TRAPPC13: variants seen among roughly 807,000 people sequenced by gnomAD.
TRAPPC13 encodes trafficking protein particle complex subunit 13.
Under a neutral mutation model 54.0 loss-of-function variants are expected in TRAPPC13, and 39 were observed. The observed-to-expected ratio is 0.72, with a 90% CI of 0.56 to 0.94. The LOEUF (loss-of-function observed/expected upper bound fraction) is 0.94. Ranked by LOEUF, TRAPPC13 falls within the 40% of genes least tolerant of loss-of-function variation. TRAPPC13 has a pLI of 0.00. For missense variants in TRAPPC13, 386 were observed against 488.1 expected (o/e 0.79, Z 1.97); for synonymous variants, 148 against 167.7 (o/e 0.88, Z 0.91).
In TRAPPC13 at chr5:65,658,644, A is replaced by G; in HGVS notation, c.698+143A>G. 4 of 535,652 alleles carry G rather than the reference A, an allele frequency of 7.5e-6. No individual in the cohort carries two copies. In the South Asian group the frequency reaches 2.2e-4, roughly 29 times the overall value. The allele number at this position is 535,652 out of a possible 1,614,324, so 33.2% of individuals were successfully genotyped here. A position where few individuals can be genotyped will look rare whatever the true frequency, so the allele number is the denominator to read the frequency against. ...CATAGAAAAATTCATCAGAAAGTAG[A>G]GTTTCCACATACCCTCTTCCACTCC... On this transcript the variant is annotated intron_variant, in intron 9 of 12. Coordinates refer to ENST00000399438, the MANE Select transcript of TRAPPC13 (RefSeq NM_024941.4).
chr5:65,626,558 A>C (rs1483992167), intron 1 of TRAPPC13, among the ~76,000 whole-genome samples: 1 of 152,176 alleles, frequency 6.6e-6, no homozygotes, highest in Non-Finnish European at 1.5e-5. Flanking sequence ...TAACATAGTG[A>C]AACCCCGTCT....
chr5:65,657,977 CTT>C (rs1756712735), intron 8 of TRAPPC13: 1 of 159,986 alleles, frequency 6.3e-6, no homozygotes, highest in Non-Finnish European at 1.4e-5. Flanking sequence ...ATAATGAAGA[CTT>C]AATTATCTTA....
intron 2 of TRAPPC13, 126 bp from the exon 3 acceptor site, chr5:65,635,818 G>T: frequency 1.7e-6 from 1 of 572,900 alleles, no homozygotes. Context: ...CTAGAAGTTA[G>T]ACTTTTTAAA....
chr5:65,652,369 C>A, intron 6 of TRAPPC13, 132 bp from the exon 7 acceptor site: 4 of 304,784 alleles, frequency 1.3e-5, no homozygotes, highest in East Asian at 5.6e-5. Flanking sequence ...AAGAATATTG[C>A]ATACCTATTA....
At chr5:65,651,648 G>GGGT (rs1289505241) in intron 6 of TRAPPC13, among the ~76,000 whole-genome samples, 1 of 150,354 alleles carries the variant, frequency 6.7e-6, no homozygotes, top group Non-Finnish European at 1.5e-5. Flanking sequence ...CATTTATGTG[G>GGGT]GGGGGGTGGT....
Position 65,631,114 on chromosome 5 carries a change from GCTAGGAT to G in TRAPPC13, c.47-4186_47-4180del, listed in dbSNP as rs1380283908. Among the ~76,000 whole-genome samples, 5 of 152,184 alleles carry G rather than the reference GCTAGGAT, an allele frequency of 3.3e-5. No homozygotes were observed. In the East Asian group the frequency reaches 9.6e-4, roughly 29 times the overall value. ...TTTAAATGCCTACTTTGCACTAGGTGCTAGGATATACTAGGGAAGGAGACAGACATGG... is the reference window on the plus strand; with the variant it reads ...TTTAAATGCCTACTTTGCACTAGGTGATACTAGGGAAGGAGACAGACATGG... On this transcript the variant is annotated intron_variant, in intron 1 of 12. Coordinates refer to ENST00000399438, the MANE Select transcript of TRAPPC13 (RefSeq NM_024941.4).
At chr5:65,658,856 A>C (rs62367739) in intron 9 of TRAPPC13, among the ~76,000 whole-genome samples, 11,241 of 151,982 alleles carry the variant, frequency 0.074, 423 homozygotes, top group East Asian at 0.099. Flanking sequence ...AGCTGCTGGG[A>C]TTACAGGTGC....
At chr5:65,650,738 A>C (rs1052246001) in intron 5 of TRAPPC13, 72 bp from the exon 6 acceptor site, 7 of 1,231,692 alleles carry the variant, frequency 5.7e-6, no homozygotes, top group African/African-American at 3.0e-5. Flanking sequence ...TTCTTAGTAG[A>C]ATTGAGGTGT....
At chr5:65,629,910 T>G in intron 1 of TRAPPC13, 1 of 1,536,038 alleles carries the variant, frequency 6.5e-7, no homozygotes, top group Non-Finnish European at 8.7e-7. Flanking sequence ...TCACACACAC[T>G]GAAGGAACAG....
chr5:65,641,309 T>G (rs1460148420), intron 4 of TRAPPC13, among the ~76,000 whole-genome samples: 3 of 152,110 alleles, frequency 2.0e-5, no homozygotes, highest in African/African-American at 7.2e-5. Context: ...TGACCTGTAT[T>G]TGTGTGAGTG....
intron 1 of TRAPPC13, among the ~76,000 whole-genome samples, chr5:65,626,565 G>A (rs958278919): frequency 6.6e-6 from 1 of 152,012 alleles, no homozygotes; most frequent in Non-Finnish European, 1.5e-5. Flanking sequence ...GTGAAACCCC[G>A]TCTCTATAAA....
At chr5:65,660,606 T>A in intron 9 of TRAPPC13, 93 bp from the exon 10 acceptor site, 1 of 997,252 alleles carries the variant, frequency 1.0e-6, no homozygotes, top group Non-Finnish European at 1.4e-6. Flanking sequence ...GGGTACATCA[T>A]CCAGTTCCTA....
At chr5:65,625,216 C>T (rs1056980418) in intron 1 of TRAPPC13, 110 bp downstream of exon 1, 22 of 918,188 alleles carry the variant, frequency 2.4e-5, no homozygotes, top group Non-Finnish European at 3.5e-5. Flanking sequence ...TGCTCGCCCT[C>T]CTGCTCTGTC....
intron 4 of TRAPPC13, 64 bp from the exon 5 acceptor site, chr5:65,646,991 A>G (rs1416878228): frequency 4.0e-5 from 58 of 1,436,422 alleles, no homozygotes; most frequent in Non-Finnish European, 5.0e-5. Flanking sequence ...ACTCATAGCC[A>G]TGCACACCCT....
rs1755803812 is a variant in TRAPPC13 at position 65,637,693 on chromosome 5, C to T, written c.216-3C>T. Reference sequence around the variant, plus strand: ...CTGCCTAAATACTTATTTTATTTTACAGGAATATATTTTTGGGAGAGACCT... The same window carrying T: ...CTGCCTAAATACTTATTTTATTTTATAGGAATATATTTTTGGGAGAGACCT... On this transcript the variant is annotated splice_polypyrimidine_tract_variant and splice_region_variant and intron_variant, in intron 3 of 12. Coordinates refer to ENST00000399438, the MANE Select transcript of TRAPPC13 (RefSeq NM_024941.4). 2.0e-6 allele frequency: 3 copies of T among 1,472,250 alleles called. No individual in the cohort carries two copies. The highest frequency in any genetic ancestry group is 1.4e-5 in the African/African-American group (1 of 69,058). 91.2% of individuals were successfully genotyped at this position (1,472,250 alleles called of 1,614,324 possible).
At chr5:65,660,588 T>G (rs1756813652) in intron 9 of TRAPPC13, 111 bp from the exon 10 acceptor site, 1 of 687,622 alleles carries the variant, frequency 1.5e-6, no homozygotes, top group African/African-American at 1.9e-5. Context: ...CTGTTGTTGA[T>G]CTTTGGAGGG....
rs1172387040 is a variant in TRAPPC13 at position 65,630,342 on chromosome 5, G to A, written c.47-4959G>A. The A allele has an allele frequency of 4.0e-6, 6 of 1,485,734 alleles. No homozygotes were observed. In the African/African-American group the frequency reaches 7.0e-5, roughly 17 times the overall value. The allele number at this position is 1,485,734 out of a possible 1,614,324, so 92.0% of individuals were successfully genotyped here. ...TATGGTGTTATTTTTAGTATGTAAT[G>A]AATTCCACTGATTGTCAAAAAGAAT... On this transcript the variant is annotated intron_variant, in intron 1 of 12. Transcript: ENST00000399438.
intron 3 of TRAPPC13, 62 bp downstream of exon 3, chr5:65,636,105 C>A: frequency 1.6e-5 from 17 of 1,044,070 alleles, no homozygotes; most frequent in Non-Finnish European, 2.1e-5. Flanking sequence ...GTTTTCAAAA[C>A]AGAACCATGG....
Position 65,645,198 on chromosome 5 carries a change from C to CA in TRAPPC13, c.301-1841dup, listed in dbSNP as rs71610504. On this transcript the variant is annotated intron_variant, in intron 4 of 12. Transcript: ENST00000399438. ...GGGCAACAAGAGTGAAACTCTGTCT[C>CA]AAAAAAAAAAAAAAAAGAATTTTGA... 1.1e-3 allele frequency among the ~76,000 whole-genome samples: 125 copies of CA among 108,782 alleles called. 1 individual carries two copies. Among genetic ancestry groups the CA allele is most frequent in the Middle Eastern group, 4.8e-3 (1 of 210 alleles). 71.4% of individuals were successfully genotyped at this position (108,782 alleles called of 152,430 possible).
Sources: gnomAD v4.1 joint callset for allele counts (sites outside exome capture counted in the v4.1 genomes callset) on GRCh38, gnomAD v4.1.1 for gene constraint, MANE v1.5 for transcripts, NCBI Gene and HGNC (gene_info 2026-07-23, HGNC 2026-07-21) for gene names.